The following SRGAP2C variants were observed in gnomAD, a reference collection of about 807,000 sequenced individuals.
SRGAP2C encodes SLIT-ROBO Rho GTPase activating protein 2C, also known as SLIT-ROBO Rho GTPase-activating protein 2C.
A neutral mutation model predicts 25.1 loss-of-function variants in SRGAP2C; 15 were observed. The observed-to-expected ratio is 0.60, with a 90% CI of 0.40 to 0.92. SRGAP2C has a LOEUF of 0.92. SRGAP2C is among the 40% of genes least tolerant of loss of function. The pLI is 0.00. For synonymous variants in SRGAP2C, 44 were observed against 96.6 expected (o/e 0.46, Z 3.19); for missense variants, 144 against 264.4 (o/e 0.54, Z 3.16).
chr1:121,266,300 C>T (rs1454679565), intron 2 of SRGAP2C, among the ~76,000 whole-genome samples: 1 of 148,842 alleles, frequency 6.7e-6, no homozygotes, highest in East Asian at 2.0e-4. Context: ...ATCCACAGTC[C>T]ACTATGACTG....
Position 121,209,820 on chromosome 1 carries a change from T to C in SRGAP2C, c.67+22307T>C, listed in dbSNP as rs1553323255. Among the ~76,000 whole-genome samples the C allele has an allele frequency of 5.1e-5, 4 of 77,934 alleles. 2 individuals are homozygous for C. Among genetic ancestry groups the C allele is most frequent in the African/African-American group, 2.5e-4 (4 of 15,702 alleles). 51.1% of individuals were successfully genotyped at this position (77,934 alleles called of 152,430 possible). A position where few individuals can be genotyped will look rare whatever the true frequency, so the allele number is the denominator to read the frequency against. Reference sequence around the variant, plus strand: ...ATTACATTAGAGGTTAAAACAGTTTTCTACCAGCATGAGAACTGAAACACG... The same window carrying C: ...ATTACATTAGAGGTTAAAACAGTTTCCTACCAGCATGAGAACTGAAACACG... On this transcript the variant is annotated intron_variant, in intron 2 of 9. Transcript: ENST00000367123.
chr1:121,288,619 C>T (rs1570763311), intron 3 of SRGAP2C, among the ~76,000 whole-genome samples: 35 of 66,616 alleles, frequency 5.3e-4, no homozygotes, highest in African/African-American at 8.9e-4. Flanking sequence ...CACTTACAAA[C>T]CTTGAGCTAA....
intron 7 of SRGAP2C, among the ~76,000 whole-genome samples, chr1:121,375,884 TCAG>T (rs1659632209): frequency 6.6e-6 from 1 of 151,478 alleles, no homozygotes; most frequent in Non-Finnish European, 1.5e-5. Flanking sequence ...TAGGGTCCTG[TCAG>T]GAAGGTATCC....
At chr1:121,314,028 C>G (rs1315105663) in intron 3 of SRGAP2C, among the ~76,000 whole-genome samples, 7 of 128,164 alleles carry the variant, frequency 5.5e-5, no homozygotes, top group Admixed American at 8.1e-5. Flanking sequence ...TGTTTTCCAA[C>G]TTGGTTCCAT....
intron 2 of SRGAP2C, among the ~76,000 whole-genome samples, chr1:121,275,726 C>T (rs1487570303): frequency 2.0e-5 from 3 of 149,488 alleles, no homozygotes; most frequent in Admixed American, 6.7e-5. Context: ...GATGACTGAA[C>T]GTCTTTTGGA....
At chr1:121,268,122 A>G (rs1324620315) in intron 2 of SRGAP2C, among the ~76,000 whole-genome samples, 1 of 147,874 alleles carries the variant, frequency 6.8e-6, no homozygotes, top group Non-Finnish European at 1.5e-5. Context: ...GGAGAAAATG[A>G]TAAACACCTA....
At chr1:121,375,549 C>CAGGTG (rs1659621963) in intron 7 of SRGAP2C, among the ~76,000 whole-genome samples, 1 of 149,816 alleles carries the variant, frequency 6.7e-6, no homozygotes, top group Non-Finnish European at 1.5e-5. Context: ...ATCTGGAACT[C>CAGGTG]CTCACCTCAG....
chr1:121,191,958 C>T (rs587737944), intron 2 of SRGAP2C, among the ~76,000 whole-genome samples: 17 of 145,784 alleles, frequency 1.2e-4, no homozygotes, highest in South Asian at 6.6e-4. Context: ...GAGCTGGAAG[C>T]GAAATTTTGT....
intron 2 of SRGAP2C, among the ~76,000 whole-genome samples, chr1:121,272,470 C>T (rs1656996642): frequency 6.6e-6 from 1 of 151,682 alleles, no homozygotes; most frequent in Non-Finnish European, 1.5e-5. Context: ...CTTTTTCCTG[C>T]TATTGCCTTC....
chr1:121,335,387 TAAAA>T (rs1190062218), intron 4 of SRGAP2C, among the ~76,000 whole-genome samples: 147 of 108,840 alleles, frequency 1.4e-3, no homozygotes, highest in Non-Finnish European at 2.0e-3. Context: ...AATAAATAAA[TAAAA>T]CAACCAATTC....
intron 3 of SRGAP2C, among the ~76,000 whole-genome samples, chr1:121,322,838 G>A (rs1377975590): frequency 6.6e-6 from 1 of 151,944 alleles, no homozygotes; most frequent in Non-Finnish European, 1.5e-5. Context: ...CTGGCCTTTA[G>A]TGCTGAATGG....
rs1246871647 is a variant in SRGAP2C at position 121,365,054 on chromosome 1, G to T, written c.424-239G>T. ...TTGGGGACCAATAGAAAAACCAAAG[G>T]CTACCACCCTTTTTCCCTCTACGCA... is the stretch of plus-strand genomic sequence containing the variant. On this transcript the variant is annotated intron_variant, in intron 4 of 9. Coordinates refer to ENST00000367123, the MANE Select transcript of SRGAP2C (RefSeq NM_001329984.2). Among the ~76,000 whole-genome samples the T allele has an allele frequency of 3.8e-5, 3 of 79,102 alleles. 1 individual carries two copies. The highest frequency in any genetic ancestry group is 3.7e-4 in the South Asian group (1 of 2,700). 51.9% of individuals were successfully genotyped at this position (79,102 alleles called of 152,430 possible).
At chr1:121,218,582 A>G (rs1655451754) in intron 2 of SRGAP2C, among the ~76,000 whole-genome samples, 1 of 145,596 alleles carries the variant, frequency 6.9e-6, no homozygotes, top group Non-Finnish European at 1.5e-5. Context: ...TCTACTAAAA[A>G]AAAAAAAATA....
At position 121,282,860 on chromosome 1, in the gene SRGAP2C, T is replaced by C. The variant is rs1284514661; in HGVS notation, c.68-1943T>C. Among the ~76,000 whole-genome samples the C allele has an allele frequency of 5.1e-3, 776 of 151,090 alleles. 12 individuals are homozygous for C. Among genetic ancestry groups the C allele is most frequent in the African/African-American group, 0.017 (720 of 41,200 alleles). The stretch of plus-strand genomic sequence containing the variant: ...GGCGTGAGCCACCGCACCTGGCACT[T>C]GGTTCTTACTGAACGGATGGAATTT... On this transcript the variant is annotated intron_variant, in intron 2 of 9. Coordinates refer to ENST00000367123, the MANE Select transcript of SRGAP2C (RefSeq NM_001329984.2).
intron 2 of SRGAP2C, among the ~76,000 whole-genome samples, chr1:121,199,796 A>G (rs1654931633): frequency 6.9e-6 from 1 of 145,968 alleles, no homozygotes; most frequent in Non-Finnish European, 1.5e-5. Context: ...CTCCGTCTCA[A>G]AAACAAACAA....
chr1:121,259,716 CAAT>C (rs782536457), intron 2 of SRGAP2C, among the ~76,000 whole-genome samples: 8 of 150,576 alleles, frequency 5.3e-5, no homozygotes, highest in African/African-American at 1.2e-4. Context: ...GGGAGACAAA[CAAT>C]AAACATGATG....
intron 7 of SRGAP2C, among the ~76,000 whole-genome samples, chr1:121,378,414 A>G (rs1279248846): frequency 6.9e-6 from 1 of 145,738 alleles, no homozygotes; most frequent in Admixed American, 6.9e-5. Context: ...AACCACTGTT[A>G]TGATTTCTTT....
intron 4 of SRGAP2C, among the ~76,000 whole-genome samples, chr1:121,327,876 G>C (rs1658349019): frequency 6.6e-6 from 1 of 152,122 alleles, no homozygotes; most frequent in Non-Finnish European, 1.5e-5. Context: ...TGAGACCTTG[G>C]ACAATGACTT....
intron 2 of SRGAP2C, among the ~76,000 whole-genome samples, chr1:121,212,519 A>G (rs1655292196): frequency 6.6e-6 from 1 of 151,320 alleles, no homozygotes; most frequent in Non-Finnish European, 1.5e-5. Flanking sequence ...TCTGATTCTC[A>G]TTTATGCAAG....
Sources: gnomAD v4.1 joint callset for allele counts (sites outside exome capture counted in the v4.1 genomes callset) on GRCh38, gnomAD v4.1.1 for gene constraint, MANE v1.5 for transcripts, NCBI Gene and HGNC (gene_info 2026-07-23, HGNC 2026-07-21) for gene names.